The following PPM1H variants were observed in gnomAD, a reference collection of about 807,000 sequenced individuals.
PPM1H encodes protein phosphatase 1H.
A neutral mutation model predicts 54.9 loss-of-function variants in PPM1H; 27 were observed. The ratio of observed to expected loss-of-function variants is 0.49; its 90% CI spans 0.36 to 0.68. PPM1H has a LOEUF of 0.68. Among genes scored for constraint, PPM1H ranks in the 30% least tolerant of loss-of-function variants. The pLI is 0.00. For missense variants in PPM1H, 596 were observed against 667.8 expected (o/e 0.89, Z 1.19); for synonymous variants, 305 against 270.8 (o/e 1.13, Z -1.24).
chr12:62,820,167 G>T (rs1366205989), intron 2 of PPM1H, among the ~76,000 whole-genome samples: 3 of 152,234 alleles, frequency 2.0e-5, no homozygotes, highest in Admixed American at 2.0e-4. Context: ...AGCAGTCTGA[G>T]ATCAACCGGT....
At chr12:62,926,968 A>G (rs1871988394) in intron 1 of PPM1H, among the ~76,000 whole-genome samples, 1 of 152,196 alleles carries the variant, frequency 6.6e-6, no homozygotes, top group African/African-American at 2.4e-5. Flanking sequence ...AACAACAACA[A>G]CAACAAAAAG....
chr12:62,868,743 C>T (rs1413422634), intron 1 of PPM1H, among the ~76,000 whole-genome samples: 1 of 152,176 alleles, frequency 6.6e-6, no homozygotes, highest in East Asian at 1.9e-4. Context: ...GATAAAAAAA[C>T]ATGGCAGCAG....
chr12:62,673,749 A>T (rs140179649), intron 8 of PPM1H, among the ~76,000 whole-genome samples: 861 of 44,494 alleles, frequency 0.019, 14 homozygotes, highest in African/African-American at 0.044. Flanking sequence ...TTTTTGAGAC[A>T]GGGTCTTGCT....
chr12:62,709,876 G>A (rs1331087424), intron 6 of PPM1H, among the ~76,000 whole-genome samples: 1 of 152,046 alleles, frequency 6.6e-6, no homozygotes. Flanking sequence ...TTCACAACCA[G>A]CCTGACCAAC....
intron 4 of PPM1H, 136 bp from the exon 5 acceptor site, chr12:62,737,722 T>C (rs2076358266): frequency 5.2e-6 from 3 of 574,682 alleles, no homozygotes; most frequent in Non-Finnish European, 6.0e-6. Flanking sequence ...CAGAGTTCAC[T>C]GTTCCCAGCT....
chr12:62,755,580 C>A, intron 4 of PPM1H: 2 of 660,332 alleles, frequency 3.0e-6, no homozygotes, highest in South Asian at 3.3e-5. Context: ...CCAAAAGGGT[C>A]ATCATCTCTG....
chr12:62,806,191 T>C (rs756906629), intron 2 of PPM1H, among the ~76,000 whole-genome samples: 1 of 152,112 alleles, frequency 6.6e-6, no homozygotes, highest in Non-Finnish European at 1.5e-5. Context: ...TTTTTTTTAA[T>C]TGAAGCCATT....
At chr12:62,798,150 C>G (rs965688567) in intron 3 of PPM1H, among the ~76,000 whole-genome samples, 1 of 152,170 alleles carries the variant, frequency 6.6e-6, no homozygotes, top group Admixed American at 6.5e-5. Context: ...CAGAGACAGT[C>G]TGTAGTCTGT....
chr12:62,819,114 G>A (rs1344532549), intron 2 of PPM1H, among the ~76,000 whole-genome samples: 5 of 132,112 alleles, frequency 3.8e-5, no homozygotes, highest in Non-Finnish European at 8.0e-5. Context: ...GAGCCACTGC[G>A]CCGGCCAAAA....
At chr12:62,818,082 A>C (rs2076881408) in intron 2 of PPM1H, among the ~76,000 whole-genome samples, 2 of 152,198 alleles carry the variant, frequency 1.3e-5, no homozygotes, top group Admixed American at 1.3e-4. Flanking sequence ...ATCTGTTCGA[A>C]ATAGGGAGTC....
At chr12:62,891,792 C>A (rs633325) in intron 1 of PPM1H, among the ~76,000 whole-genome samples, 4 of 152,162 alleles carry the variant, frequency 2.6e-5, no homozygotes, top group Non-Finnish European at 5.9e-5. Flanking sequence ...TGAATATATT[C>A]TTTACTGTTC....
At chr12:62,903,011 A>G (rs1236403481) in intron 1 of PPM1H, among the ~76,000 whole-genome samples, 2 of 152,192 alleles carry the variant, frequency 1.3e-5, no homozygotes, top group South Asian at 2.1e-4. Context: ...GTACTAAGGT[A>G]GTACTCAAAT....
Position 62,648,359 on chromosome 12 carries a change from A to G in PPM1H, c.*130T>C. 8.2e-7 allele frequency: 1 copy of G among 1,214,760 alleles called. No homozygotes were observed. Among genetic ancestry groups the G allele is most frequent in the Non-Finnish European group, 1.2e-6 (1 of 866,018 alleles). 75.2% of individuals were successfully genotyped at this position (1,214,760 alleles called of 1,614,324 possible). The stretch of plus-strand genomic sequence containing the variant: ...CATCTTGAAGCATAGTCTTTTGGCC[A>G]TGAACTCCCCGCTTGGGCTGGGAAG... On this transcript the variant is annotated 3_prime_UTR_variant, in exon 10 of 10. Coordinates refer to ENST00000228705, the MANE Select transcript of PPM1H (RefSeq NM_020700.2).
At chr12:62,857,938 T>C (rs963607741) in intron 1 of PPM1H, among the ~76,000 whole-genome samples, 8 of 152,180 alleles carry the variant, frequency 5.3e-5, no homozygotes, top group Non-Finnish European at 1.0e-4. Flanking sequence ...TATATGATAA[T>C]TACTTAATGT....
intron 1 of PPM1H, among the ~76,000 whole-genome samples, chr12:62,894,783 A>G (rs1870923512): frequency 6.6e-6 from 1 of 152,182 alleles, no homozygotes; most frequent in Non-Finnish European, 1.5e-5. Flanking sequence ...TTTAATCTCC[A>G]CATGTTGGGA....
In PPM1H at chr12:62,655,311, T is replaced by C. The variant is rs541935510; in HGVS notation, c.1398-6675A>G. 1.9e-3 allele frequency among the ~76,000 whole-genome samples: 287 copies of C among 152,266 alleles called. 1 individual carries two copies. The highest frequency in any genetic ancestry group is 6.6e-3 in the African/African-American group (276 of 41,558). On this transcript the variant is annotated intron_variant, in intron 9 of 9. Coordinates refer to ENST00000228705, the MANE Select transcript of PPM1H (RefSeq NM_020700.2). ...CCATCTTCGGAGCCACCTTGCCATA[T>C]GAAATGCATGAAATCCTTTGCTAGG...
rs1315911435 is a variant in PPM1H at position 62,648,475 on chromosome 12, C to T, written c.*14G>A. 4.3e-6 allele frequency: 7 copies of T among 1,613,536 alleles called. No homozygotes were observed. The highest frequency in any genetic ancestry group is 5.9e-6 in the Non-Finnish European group (7 of 1,179,668). On this transcript the variant is annotated 3_prime_UTR_variant, in exon 10 of 10. Transcript: ENST00000228705. Reference sequence around the variant, plus strand: ...CTTTCTTCCCCTCTGTCCTCCCAATCCCCTGGGCCATTTTCATGACAGCTT... The same window carrying T: ...CTTTCTTCCCCTCTGTCCTCCCAATTCCCTGGGCCATTTTCATGACAGCTT...
intron 1 of PPM1H, among the ~76,000 whole-genome samples, chr12:62,907,955 T>A (rs1017764469): frequency 6.6e-6 from 1 of 152,218 alleles, no homozygotes; most frequent in African/African-American, 2.4e-5. Flanking sequence ...CAGGGCAACA[T>A]CAATTAAGAT....
At position 62,801,896 on chromosome 12, in the gene PPM1H, G is replaced by C. The variant is rs765805274; in HGVS notation, c.676C>G (p.Pro226Ala). 1.2e-6 allele frequency: 2 copies of C among 1,613,654 alleles called. No homozygotes were observed. The highest frequency in any genetic ancestry group is 2.7e-5 in the African/African-American group (2 of 74,924). ...VGAPGSPSTP[P>A]TRFFTEKKIP... is the part of the protein sequence containing the mutation. ...TTCTTCTCGGTAAAGAAGCGTGTGG[G>C]GGGCGTGCTGGGGGAGCCCGGGGCC... Residue 226 changes from proline to alanine, a missense_variant, in exon 3 of 10, where the codon CCC becomes GCC. This residue lies in a region of PPM1H where 382 missense variants were observed against 387.1 expected (regional missense o/e 0.99). Transcript: ENST00000228705.
Sources: allele counts gnomAD v4.1 joint callset (sites outside exome capture counted in the v4.1 genomes callset), GRCh38; gene constraint gnomAD v4.1.1; regional missense constraint gnomAD v4.1.1; transcripts MANE v1.5; gene names NCBI Gene and HGNC (gene_info 2026-07-23, HGNC 2026-07-21).